NRF1: variants seen among roughly 807,000 people sequenced by gnomAD.
NRF1 encodes the protein alpha palindromic-binding protein.
In NRF1, 5 loss-of-function variants were observed where a neutral mutation model predicts 58.5. The observed-to-expected ratio is 0.09, with a 90% CI of 0.04 to 0.18. NRF1 has a LOEUF of 0.18. Among genes scored for constraint, NRF1 ranks in the 10% least tolerant of loss-of-function variants. The pLI is 1.00. For missense variants in NRF1, 288 were observed against 657.7 expected (o/e 0.44, Z 6.15); for synonymous variants, 224 against 246.7 (o/e 0.91, Z 0.86).
intron 1 of NRF1, among the ~76,000 whole-genome samples, chr7:129,631,581 C>T (rs956723454): frequency 1.3e-5 from 2 of 152,100 alleles, no homozygotes; most frequent in Non-Finnish European, 2.9e-5. Flanking sequence ...ACTTGATTTT[C>T]AGGGAGAAGC....
chr7:129,687,771 C>G (rs1451915344), intron 4 of NRF1, among the ~76,000 whole-genome samples: 1 of 152,146 alleles, frequency 6.6e-6, no homozygotes, highest in African/African-American at 2.4e-5. Context: ...AGATGTATCC[C>G]AATTTCAGAA....
intron 1 of NRF1, among the ~76,000 whole-genome samples, chr7:129,612,616 G>A (rs916127383): frequency 6.6e-6 from 1 of 152,236 alleles, no homozygotes; most frequent in Admixed American, 6.5e-5. Flanking sequence ...TCCTGTGCCT[G>A]GGGTGGTGGT....
chr7:129,653,383 C>CTGGG (rs1801580074), intron 1 of NRF1, among the ~76,000 whole-genome samples: 1 of 152,150 alleles, frequency 6.6e-6, no homozygotes, highest in Non-Finnish European at 1.5e-5. Flanking sequence ...GCACAGCCTC[C>CTGGG]CCCACTATCA....
chr7:129,638,926 A>T (rs1242698486), intron 1 of NRF1, among the ~76,000 whole-genome samples: 6 of 152,160 alleles, frequency 3.9e-5, no homozygotes. Flanking sequence ...TTTTACTTTA[A>T]CATCCTTGTG....
intron 1 of NRF1, among the ~76,000 whole-genome samples, chr7:129,639,224 T>C (rs1801236027): frequency 6.6e-6 from 1 of 151,894 alleles, no homozygotes; most frequent in African/African-American, 2.4e-5. Context: ...CATGCCTGGC[T>C]AATTATTGTG....
intron 10 of NRF1, among the ~76,000 whole-genome samples, chr7:129,740,266 T>C (rs2402971): frequency 1 from 151,645 of 152,328 alleles, 75,488 homozygotes; most frequent in Middle Eastern, 1. Context: ...GCTGGGGCAT[T>C]GGAGGCATGC....
intron 10 of NRF1, among the ~76,000 whole-genome samples, chr7:129,728,491 AAAAC>A: frequency 6.9e-6 from 1 of 144,772 alleles, no homozygotes; most frequent in African/African-American, 2.5e-5. Flanking sequence ...AAAAAAAAAA[AAAAC>A]CAATCCTGGA....
At chr7:129,723,384 G>A (rs535394970) in intron 9 of NRF1, among the ~76,000 whole-genome samples, 61 of 151,672 alleles carry the variant, frequency 4.0e-4, no homozygotes, top group Non-Finnish European at 7.4e-4. Context: ...CAGAGGTTGC[G>A]GTGAGCCAAG....
intron 1 of NRF1, among the ~76,000 whole-genome samples, chr7:129,617,417 A>G (rs1800681579): frequency 1.3e-5 from 2 of 152,158 alleles, no homozygotes; most frequent in Admixed American, 6.5e-5. Context: ...GTGGACTAGA[A>G]ATGGGGAGTT....
intron 1 of NRF1, among the ~76,000 whole-genome samples, chr7:129,648,481 G>A (rs529528280): frequency 2.0e-4 from 31 of 151,844 alleles, no homozygotes; most frequent in South Asian, 1.0e-3. Context: ...GGGTTTCACC[G>A]TGTTAGCCAG....
intron 1 of NRF1, among the ~76,000 whole-genome samples, chr7:129,629,414 G>A (rs1019835650): frequency 5.9e-4 from 89 of 151,986 alleles, no homozygotes; most frequent in African/African-American, 1.8e-3. Flanking sequence ...AGTAGCTGGG[G>A]TTACAGCTGC....
chr7:129,662,735 T>G (rs956232399), intron 2 of NRF1, among the ~76,000 whole-genome samples: 3 of 152,090 alleles, frequency 2.0e-5, no homozygotes, highest in Non-Finnish European at 4.4e-5. Flanking sequence ...TTAATCCAAT[T>G]TAAGGTTTAT....
chr7:129,619,973 A>C (rs904814105), intron 1 of NRF1, among the ~76,000 whole-genome samples: 1 of 152,048 alleles, frequency 6.6e-6, no homozygotes, highest in African/African-American at 2.4e-5. Flanking sequence ...GTGTGAGTGC[A>C]TGTGTGATTT....
intron 1 of NRF1, among the ~76,000 whole-genome samples, chr7:129,636,702 C>T (rs1584594917): frequency 6.6e-6 from 1 of 152,184 alleles, no homozygotes; most frequent in East Asian, 1.9e-4. Context: ...AACTATCCCT[C>T]TGCTGCTGCT....
intron 10 of NRF1, among the ~76,000 whole-genome samples, chr7:129,727,747 TCA>T (rs1463712964): frequency 7.9e-5 from 12 of 152,304 alleles, no homozygotes; most frequent in African/African-American, 2.9e-4. Flanking sequence ...GGCAGGACCA[TCA>T]TGGAAAGTTC....
intron 1 of NRF1, among the ~76,000 whole-genome samples, chr7:129,654,014 G>GT (rs776509165): frequency 1.3e-5 from 2 of 152,170 alleles, no homozygotes; most frequent in Non-Finnish European, 2.9e-5. Flanking sequence ...GGATTGTATG[G>GT]TAAGAGTATG....
At chr7:129,724,190 TCAA>T (rs982244236) in intron 9 of NRF1, among the ~76,000 whole-genome samples, 9 of 152,282 alleles carry the variant, frequency 5.9e-5, no homozygotes, top group East Asian at 1.9e-4. Flanking sequence ...TGTCTAAAAC[TCAA>T]CAACAACAAA....
At position 129,690,506 on chromosome 7, in the gene NRF1, C is replaced by T; in HGVS notation, c.566C>T (p.Thr189Ile). The T allele has an allele frequency of 6.2e-7, 1 of 1,614,188 alleles. No individual in the cohort carries two copies. Among genetic ancestry groups the T allele is most frequent in the Non-Finnish European group, 8.5e-7 (1 of 1,180,038 alleles). The change falls in exon 5 of 11, where the codon ACC (threonine) becomes ATC (isoleucine). Residue 189 changes from threonine to isoleucine, a missense_variant. Around this residue, in one of 3 missense-constraint regions of NRF1, gnomAD observed 212 missense variants for 559.7 expected, o/e 0.38. Transcript: ENST00000393232. ...GTTAACTCAGAACTGCCGCCTCTCA[C>T]CATCGACGGAATTCCAGTCTCTGTG... ...QEVNSELPPLTIDGIPVSVDK... is the reference protein window; with the variant it reads ...QEVNSELPPLIIDGIPVSVDK...
chr7:129,735,165 C>G (rs1382816880), intron 10 of NRF1: 1 of 985,312 alleles, frequency 1.0e-6, no homozygotes, highest in Non-Finnish European at 1.2e-6. Flanking sequence ...CCTATGCTGC[C>G]CTGGTTAAGA....
Sources: gnomAD v4.1 joint callset for allele counts (sites outside exome capture counted in the v4.1 genomes callset) on GRCh38, gnomAD v4.1.1 for gene constraint, gnomAD v4.1.1 regional missense constraint, MANE v1.5 for transcripts, NCBI Gene and HGNC (gene_info 2026-07-23, HGNC 2026-07-21) for gene names.